The following MFSD1 variants were observed in gnomAD, a reference collection of about 807,000 sequenced individuals.
MFSD1 encodes the protein major facilitator superfamily domain containing 1, also known as lysosomal dipeptide transporter MFSD1.
In MFSD1, 59 loss-of-function variants were observed where a neutral mutation model predicts 67.1. The observed-to-expected ratio is 0.88, with a 90% CI of 0.71 to 1.09. The LOEUF (loss-of-function observed/expected upper bound fraction) is 1.09. Ranked by LOEUF, MFSD1 falls within the 50% of genes least tolerant of loss-of-function variation. MFSD1 has a pLI of 0.00. For synonymous variants in MFSD1, 213 were observed against 200.3 expected, an observed-to-expected ratio of 1.06 and a Z score of -0.54; for missense variants, 552 against 566.1, an observed-to-expected ratio of 0.97 and a Z score of 0.25.
intron 11 of MFSD1, chr3:158,822,708 A>C (rs1197459949): frequency 6.5e-6 from 1 of 153,694 alleles, no homozygotes; most frequent in Non-Finnish European, 1.5e-5. Context: ...CAACAGATAC[A>C]GTACAGACTC....
intron 7 of MFSD1, among the ~76,000 whole-genome samples, chr3:158,816,340 G>A (rs61796777): frequency 0.14 from 21,210 of 152,058 alleles, 1,763 homozygotes; most frequent in African/African-American, 0.22. Context: ...TTTAATGATC[G>A]CCATTGTAAC....
At chr3:158,826,489 C>T (rs569227164) in intron 14 of MFSD1, among the ~76,000 whole-genome samples, 5 of 151,784 alleles carry the variant, frequency 3.3e-5, no homozygotes, top group South Asian at 2.1e-4. Context: ...TTTGCTAATT[C>T]GTACTGTATG....
intron 12 of MFSD1, among the ~76,000 whole-genome samples, chr3:158,823,875 T>G (rs1730817864): frequency 6.6e-6 from 1 of 152,174 alleles, no homozygotes; most frequent in African/African-American, 2.4e-5. Flanking sequence ...CCTTCTTTCA[T>G]TCAGCACAAA....
chr3:158,807,364 T>C, intron 4 of MFSD1, 32 bp from the exon 5 acceptor site: 1 of 1,557,862 alleles, frequency 6.4e-7, no homozygotes, highest in Non-Finnish European at 8.8e-7. Flanking sequence ...ATTTACTTTT[T>C]CATTAATTTG....
chr3:158,816,542 G>A lies in MFSD1; in HGVS notation c.652+2475G>A, dbSNP rs867944436. On this transcript the variant is annotated intron_variant, in intron 7 of 15. Coordinates refer to ENST00000415822, the MANE Select transcript of MFSD1 (RefSeq NM_022736.4). The stretch of plus-strand genomic sequence containing the variant: ...TTTGTTTGAGTTCATTGTAGATTCT[G>A]GATATTAGCCCTTTGTCAGATGAGT... 1.2e-3 allele frequency among the ~76,000 whole-genome samples: 181 copies of A among 151,932 alleles called. 2 individuals carry two copies. The highest frequency in any genetic ancestry group is 2.1e-3 in the Non-Finnish European group (141 of 67,950).
intron 3 of MFSD1, 127 bp from the exon 4 acceptor site, chr3:158,806,913 G>T: frequency 1.4e-6 from 1 of 695,928 alleles, no homozygotes; most frequent in South Asian, 2.1e-5. Context: ...AATACAGAGG[G>T]AGGCAAAGAA....
intron 7 of MFSD1, among the ~76,000 whole-genome samples, chr3:158,817,154 CA>C (rs1276329394): frequency 4.6e-5 from 7 of 152,074 alleles, no homozygotes; most frequent in African/African-American, 1.7e-4. Flanking sequence ...ACTGAATGGG[CA>C]AAAACTGGAA....
intron 1 of MFSD1, among the ~76,000 whole-genome samples, chr3:158,803,673 G>C (rs754993933): frequency 2.0e-5 from 3 of 152,136 alleles, no homozygotes; most frequent in Non-Finnish European, 4.4e-5. Flanking sequence ...TGTAGCCTAC[G>C]AAGGAATCTC....
chr3:158,822,047 G>A lies in MFSD1; in HGVS notation c.984G>A (p.Gly328=), dbSNP rs1353693284. The A allele has an allele frequency of 6.2e-7, 1 of 1,613,932 alleles. No individual in the cohort carries two copies. The highest frequency in any genetic ancestry group is 1.7e-5 in the Admixed American group (1 of 59,972). The change falls in exon 11 of 16, where the codon GGG becomes GGA. Residue 328 remains glycine (G), a synonymous_variant. Coordinates refer to ENST00000415822, the MANE Select transcript of MFSD1 (RefSeq NM_022736.4). The part of the protein sequence containing the change: ...PVFGLLVDKT[G]KNIIWVLCAV... The stretch of plus-strand genomic sequence containing the variant: ...TTGGGCTCCTGGTGGATAAAACAGG[G>A]AAGAACATCATCTGGGTTCTTTGCG...
At chr3:158,807,335 C>T (rs1729779520) in intron 4 of MFSD1, 61 bp from the exon 5 acceptor site, 1 of 1,323,172 alleles carries the variant, frequency 7.6e-7, no homozygotes, top group Admixed American at 1.8e-5. Flanking sequence ...GTTCCTTTTG[C>T]TTCTCTTTAA....
Position 158,807,090 on chromosome 3 carries a change from A to G in MFSD1, c.372+8A>G, listed in dbSNP as rs746096802. The G allele has an allele frequency of 4.4e-6, 7 of 1,608,652 alleles. No individual in the cohort carries two copies. Among genetic ancestry groups the G allele is most frequent in the Admixed American group, 3.3e-5 (2 of 59,772 alleles). ...TTTGTTTGCATTGGACAGGTAAGGAAGGCCAAAACATTCATTGATTATTGA... is the reference window on the plus strand; with the variant it reads ...TTTGTTTGCATTGGACAGGTAAGGAGGGCCAAAACATTCATTGATTATTGA... On this transcript the variant is annotated splice_region_variant and intron_variant, in intron 4 of 15. Transcript: ENST00000415822.
At position 158,805,405 on chromosome 3, in the gene MFSD1, G is replaced by C; in HGVS notation, c.260G>C (p.Trp87Ser). 1 of 1,614,004 alleles carries C rather than the reference G, an allele frequency of 6.2e-7. No individual in the cohort carries two copies. Among genetic ancestry groups the C allele is most frequent in the Non-Finnish European group, 8.5e-7 (1 of 1,179,936 alleles). ...ACGAAATTCATGCTGCTGTATGCCT[G>C]GTATTCTTGGCCCAATGTAGTTTTG... is the stretch of plus-strand genomic sequence containing the variant. ...NTTKFMLLYA[W>S]YSWPNVVLCF... Residue 87 changes from tryptophan (W) to serine (S), a missense_variant, in exon 3 of 16, where the codon TGG (tryptophan) becomes TCG (serine). Coordinates refer to ENST00000415822, the MANE Select transcript of MFSD1 (RefSeq NM_022736.4).
intron 2 of MFSD1, among the ~76,000 whole-genome samples, 182 bp from the exon 3 acceptor site, chr3:158,805,180 G>A (rs1576896234): frequency 6.6e-6 from 1 of 152,162 alleles, no homozygotes; most frequent in East Asian, 1.9e-4. Context: ...TCCTGGGCCA[G>A]GGGCCATAGC....
At chr3:158,816,241 G>C (rs557791167) in intron 7 of MFSD1, among the ~76,000 whole-genome samples, 3 of 152,268 alleles carry the variant, frequency 2.0e-5, no homozygotes, top group South Asian at 4.2e-4. Flanking sequence ...CGACTTCCAC[G>C]ATGGTTGAAC....
intron 15 of MFSD1, among the ~76,000 whole-genome samples, chr3:158,827,976 GAGAC>G (rs1553759913): frequency 2.1e-3 from 166 of 78,540 alleles, no homozygotes; most frequent in South Asian, 2.8e-3. Flanking sequence ...GAGAGAGAGA[GAGAC>G]AGAGATCGAT....
Position 158,802,288 on chromosome 3 carries a change from C to T in MFSD1, c.136C>T (p.Leu46=), listed in dbSNP as rs759982429. 1 of 1,611,296 alleles carries T rather than the reference C, an allele frequency of 6.2e-7. No individual in the cohort carries two copies. Among genetic ancestry groups the T allele is most frequent in the Admixed American group, 1.7e-5 (1 of 59,722 alleles). ...TCGCCTGGCGCACCGGCTTTTGGTGCTGTTACTGATGTGCTTCCTTGGCTT... is the reference window on the plus strand; with the variant it reads ...TCGCCTGGCGCACCGGCTTTTGGTGTTGTTACTGATGTGCTTCCTTGGCTT... ...PSRLAHRLLV[L]LLMCFLGFGS... The change falls in exon 1 of 16, where the codon CTG becomes TTG. Residue 46 remains leucine, a synonymous_variant. Transcript: ENST00000415822.
intron 2 of MFSD1, among the ~76,000 whole-genome samples, chr3:158,804,778 A>AG (rs1276932051): frequency 4.6e-5 from 7 of 152,334 alleles, no homozygotes; most frequent in Admixed American, 1.3e-4. Flanking sequence ...CTGATTGCAG[A>AG]GGATTGTCCA....
Position 158,826,015 on chromosome 3 carries a change from T to A in MFSD1, c.1289T>A (p.Leu430Ter). ...GGGCCCTATGTTTTTTCACTCCTAGTGTCACTTTTATCTGTGGTCTTACTC... is the reference window on the plus strand; with the variant it reads ...GGGCCCTATGTTTTTTCACTCCTAGAGTCACTTTTATCTGTGGTCTTACTC... The part of the protein sequence containing the change: ...LEVFFIACVS[L>*]SLLSVVLLYL... Residue 430 changes from leucine to a stop codon, truncating the protein, a stop_gained and splice_region_variant, in exon 14 of 16, where the codon TTG becomes TAG. Coordinates refer to ENST00000415822, the MANE Select transcript of MFSD1 (RefSeq NM_022736.4). LOFTEE classifies it high-confidence loss of function. 3.1e-6 allele frequency: 5 copies of A among 1,612,468 alleles called. No individual in the cohort carries two copies. Among genetic ancestry groups the A allele is most frequent in the Middle Eastern group, 1.7e-4 (1 of 6,050 alleles).
At chr3:158,807,195 C>G in intron 4 of MFSD1, 113 bp downstream of exon 4, 1 of 1,007,410 alleles carries the variant, frequency 9.9e-7, no homozygotes. Context: ...TTAAGCAGAA[C>G]CCATAAATGC....
Sources: allele counts gnomAD v4.1 joint callset (sites outside exome capture counted in the v4.1 genomes callset), GRCh38; gene constraint gnomAD v4.1.1; transcripts MANE v1.5; gene names NCBI Gene and HGNC (gene_info 2026-07-23, HGNC 2026-07-21).